HIVEP3: variants seen among roughly 807,000 people sequenced by gnomAD.
HIVEP3 encodes the protein transcription factor HIVEP3.
HIVEP3 carries 49 observed loss-of-function variants against 152.8 expected under a neutral mutation model. The ratio of observed to expected loss-of-function variants is 0.32; its 90% CI spans 0.26 to 0.41. The LOEUF (loss-of-function observed/expected upper bound fraction) is 0.41. Among genes scored for constraint, HIVEP3 ranks in the 10% least tolerant of loss-of-function variants. The pLI is 1.00. For synonymous variants in HIVEP3, 1,269 were observed against 1,289.0 expected (o/e 0.98, Z 0.33); for missense variants, 2,790 against 3,103.3 (o/e 0.90, Z 2.40).
intron 1 of HIVEP3, among the ~76,000 whole-genome samples, chr1:41,957,891 A>G (rs1184020288): frequency 6.6e-6 from 1 of 152,212 alleles, no homozygotes; most frequent in African/African-American, 2.4e-5. Flanking sequence ...TACATCTGGC[A>G]TTTCAAGGGC....
chr1:41,872,992 T>G (rs1442034214), intron 1 of HIVEP3, among the ~76,000 whole-genome samples: 2 of 152,160 alleles, frequency 1.3e-5, no homozygotes. Context: ...ATAACAGAAA[T>G]GATCAACTGA....
intron 1 of HIVEP3, among the ~76,000 whole-genome samples, chr1:41,910,126 A>T (rs1644773253): frequency 6.6e-6 from 1 of 152,032 alleles, no homozygotes; most frequent in South Asian, 2.1e-4. Context: ...CAAAAGATGG[A>T]GAGGATCACA....
At chr1:41,541,631 T>A (rs1386554366) in intron 5 of HIVEP3, among the ~76,000 whole-genome samples, 2 of 152,094 alleles carry the variant, frequency 1.3e-5, no homozygotes, top group African/African-American at 4.8e-5. Flanking sequence ...CTGAGATGGG[T>A]CATGCTCTCC....
chr1:41,817,987 G>A (rs1167894331), intron 1 of HIVEP3, among the ~76,000 whole-genome samples: 1 of 152,082 alleles, frequency 6.6e-6, no homozygotes, highest in African/African-American at 2.4e-5. Context: ...AGTGACTAGG[G>A]GCCAGCTCTA....
intron 1 of HIVEP3, among the ~76,000 whole-genome samples, chr1:41,725,172 C>A (rs1646734022): frequency 6.6e-6 from 1 of 152,186 alleles, no homozygotes; most frequent in East Asian, 1.9e-4. Context: ...TGACCCTAAG[C>A]AGGATGGGCA....
chr1:41,957,314 T>C (rs978286029), intron 1 of HIVEP3, among the ~76,000 whole-genome samples: 55 of 152,222 alleles, frequency 3.6e-4, no homozygotes, highest in Admixed American at 9.8e-4. Flanking sequence ...CTCATCCTGA[T>C]ACAATTCCCC....
intron 2 of HIVEP3, among the ~76,000 whole-genome samples, chr1:41,681,917 G>GTTAT (rs1646045764): frequency 1.3e-5 from 2 of 152,164 alleles, no homozygotes; most frequent in African/African-American, 2.4e-5. Context: ...TCTGGGAATG[G>GTTAT]TGAAGCCCTG....
intron 1 of HIVEP3, among the ~76,000 whole-genome samples, chr1:41,726,517 T>C (rs1646754874): frequency 6.6e-6 from 1 of 152,138 alleles, no homozygotes; most frequent in Non-Finnish European, 1.5e-5. Context: ...CTTTTGAGCG[T>C]GGAGGGGTTA....
chr1:41,809,724 C>G (rs1456957451), intron 1 of HIVEP3, among the ~76,000 whole-genome samples: 1 of 152,140 alleles, frequency 6.6e-6, no homozygotes, highest in Non-Finnish European at 1.5e-5. Context: ...ATGGTTGTTA[C>G]AGTTGACTGT....
Position 42,012,281 on chromosome 1 carries a change from TATGA to T in HIVEP3, n.119+23522_119+23525del, listed in dbSNP as rs141546647. Among the ~76,000 whole-genome samples, 680 of 152,350 alleles carry T rather than the reference TATGA, an allele frequency of 4.5e-3. 5 individuals are homozygous for T. Among genetic ancestry groups the T allele is most frequent in the African/African-American group, 0.016 (662 of 41,590 alleles). On this transcript the variant is annotated intron_variant and non_coding_transcript_variant, in intron 1 of 3. Coordinates refer to the HIVEP3 transcript ENST00000489103. ...TTATAATTGGTGACCTCTCACATGT[TATGA>T]ATGGAGTGTTTGCGTACCCCCCAAA...
At chr1:41,896,725 C>T (rs115401800) in intron 1 of HIVEP3, among the ~76,000 whole-genome samples, 4 of 152,120 alleles carry the variant, frequency 2.6e-5, no homozygotes, top group African/African-American at 9.6e-5. Context: ...CAAGTGCGTG[C>T]CACCACACCC....
At chr1:41,640,598 G>T (rs1645358182) in intron 2 of HIVEP3, among the ~76,000 whole-genome samples, 2 of 152,174 alleles carry the variant, frequency 1.3e-5, no homozygotes, top group Admixed American at 1.3e-4. Context: ...AGATAGATAA[G>T]AAAATCAGTG....
At chr1:41,937,169 A>G (rs1296028202) in intron 1 of HIVEP3, among the ~76,000 whole-genome samples, 2 of 152,168 alleles carry the variant, frequency 1.3e-5, no homozygotes, top group Non-Finnish European at 2.9e-5. Flanking sequence ...TGATCCCCCA[A>G]CATTATTATC....
At chr1:41,768,089 T>C (rs1003248167) in intron 1 of HIVEP3, among the ~76,000 whole-genome samples, 7 of 152,176 alleles carry the variant, frequency 4.6e-5, no homozygotes, top group Non-Finnish European at 1.0e-4. Context: ...TGGCTGCTCT[T>C]TCCCCTCAAG....
chr1:41,751,067 T>A (rs1289711237), intron 1 of HIVEP3, among the ~76,000 whole-genome samples: 1 of 152,154 alleles, frequency 6.6e-6, no homozygotes, highest in African/African-American at 2.4e-5. Context: ...TGGGCATCCG[T>A]GTTAAACCCG....
rs756289338 is a variant in HIVEP3, at chr1:41,512,966, C to T, written c.6255G>A (p.Pro2085=). 1.4e-5 allele frequency: 23 copies of T among 1,611,354 alleles called. No homozygotes were observed. Among genetic ancestry groups the T allele is most frequent in the Admixed American group, 3.4e-5 (2 of 59,694 alleles). Residue 2085 remains proline (P), a synonymous_variant, in exon 8 of 9, where the codon CCG becomes CCA. Coordinates refer to ENST00000372583, the MANE Select transcript of HIVEP3 (RefSeq NM_024503.5). ...GQAESPPRSA[P]PGKWALAGPG... is the part of the protein sequence containing the mutation. ...GCCCAGCCAAGGCCCACTTCCCTGGCGGCGCTGACCGTGGTGGTGACTCGG... is the reference window on the plus strand; with the variant it reads ...GCCCAGCCAAGGCCCACTTCCCTGGTGGCGCTGACCGTGGTGGTGACTCGG...
At chr1:41,908,885 G>A (rs1644754979) in intron 1 of HIVEP3, among the ~76,000 whole-genome samples, 1 of 152,176 alleles carries the variant, frequency 6.6e-6, no homozygotes, top group Non-Finnish European at 1.5e-5. Context: ...GACAGGATAA[G>A]AATTTCCCAT....
chr1:42,027,578 C>T (rs1016878421), intron 1 of HIVEP3, among the ~76,000 whole-genome samples: 4 of 152,196 alleles, frequency 2.6e-5, no homozygotes, highest in African/African-American at 9.7e-5. Context: ...GTTCTTCACA[C>T]AGGTCAAGCA....
intron 1 of HIVEP3, among the ~76,000 whole-genome samples, chr1:41,792,822 C>T (rs1438618875): frequency 1.3e-5 from 2 of 152,226 alleles, no homozygotes; most frequent in Non-Finnish European, 2.9e-5. Context: ...GTAAGGAGAA[C>T]TTCCAGAACC....
Sources: allele counts gnomAD v4.1 joint callset (sites outside exome capture counted in the v4.1 genomes callset), GRCh38; gene constraint gnomAD v4.1.1; transcripts MANE v1.5; gene names NCBI Gene and HGNC (gene_info 2026-07-23, HGNC 2026-07-21).